The following POLR3B variants were observed in gnomAD, a reference collection of about 807,000 sequenced individuals.
POLR3B encodes the protein DNA-directed RNA polymerase III subunit RPC2.
Under a neutral mutation model 147.4 loss-of-function variants are expected in POLR3B, and 96 were observed. That is an observed-to-expected ratio of 0.65 (90% CI 0.55 to 0.77). POLR3B has a LOEUF of 0.77. Ranked by LOEUF, POLR3B falls within the 30% of genes least tolerant of loss-of-function variation. The pLI, the probability that POLR3B is intolerant of heterozygous loss-of-function variation, is 0.00. For missense variants in POLR3B, 1,036 were observed against 1,413.5 expected, an observed-to-expected ratio of 0.73 and a Z score of 4.28; for synonymous variants, 461 against 485.9, an observed-to-expected ratio of 0.95 and a Z score of 0.67.
At chr12:106,377,889 G>A (rs889367594) in intron 7 of POLR3B, among the ~76,000 whole-genome samples, 3 of 152,092 alleles carry the variant, frequency 2.0e-5, no homozygotes, top group African/African-American at 4.8e-5. Flanking sequence ...AAGACAGGGA[G>A]TCAGCCTGAG....
chr12:106,497,515 C>A (rs938134167), intron 25 of POLR3B, among the ~76,000 whole-genome samples: 7 of 152,018 alleles, frequency 4.6e-5, no homozygotes, highest in African/African-American at 1.7e-4. Flanking sequence ...TGATTTCTAC[C>A]CTATGCCTAC....
intron 27 of POLR3B, among the ~76,000 whole-genome samples, chr12:106,508,881 A>C (rs1009859256): frequency 3.3e-5 from 5 of 152,204 alleles, no homozygotes; most frequent in African/African-American, 1.2e-4. Context: ...ATTGAATACC[A>C]CTGTCCTATT....
intron 19 of POLR3B, among the ~76,000 whole-genome samples, chr12:106,452,314 CTT>C (rs1352843607): frequency 6.6e-6 from 1 of 152,138 alleles, no homozygotes; most frequent in African/African-American, 2.4e-5. Context: ...TTAGAGAAAA[CTT>C]TTTGATGTCA....
chr12:106,463,149 G>T (rs2037962808), intron 22 of POLR3B, among the ~76,000 whole-genome samples: 1 of 152,184 alleles, frequency 6.6e-6, no homozygotes, highest in Admixed American at 6.5e-5. Context: ...TGAAATCCCA[G>T]TTCCACTTTG....
At chr12:106,359,364 C>T (rs1236746104) in intron 1 of POLR3B, among the ~76,000 whole-genome samples, 1 of 137,834 alleles carries the variant, frequency 7.3e-6, no homozygotes, top group East Asian at 2.1e-4. Flanking sequence ...CGGAGTCTAG[C>T]TCTGTCGCCC....
At chr12:106,462,529 C>T (rs966807188) in intron 22 of POLR3B, among the ~76,000 whole-genome samples, 5 of 152,152 alleles carry the variant, frequency 3.3e-5, no homozygotes, top group African/African-American at 9.7e-5. Flanking sequence ...CATGAGCCAC[C>T]GTGCCCGGCT....
rs12308499 is a variant in POLR3B at position 106,459,424 on chromosome 12, T to G, written c.2570+56T>G. On this transcript the variant is annotated intron_variant, in intron 22 of 27. Transcript: ENST00000228347. The stretch of plus-strand genomic sequence containing the variant: ...AGAAAGGTTAGAAAAAGAGAAGAAA[T>G]GGGAGAAATTCGAAGTTAGGTCTTG... 1.1e-4 allele frequency: 108 copies of G among 980,242 alleles called. No individual in the cohort carries two copies. The African/African-American group carries it at 1.6e-3, about 15-fold the overall frequency. The allele number at this position is 980,242 out of a possible 1,614,324, so 60.7% of individuals were successfully genotyped here.
intron 27 of POLR3B, 130 bp from the exon 28 acceptor site, chr12:106,509,290 A>T: frequency 1.0e-6 from 1 of 965,354 alleles, no homozygotes. Flanking sequence ...AGTGCAACTG[A>T]ACACTTAGGA....
chr12:106,378,638 A>G (rs1407817566), intron 8 of POLR3B, among the ~76,000 whole-genome samples: 2 of 151,212 alleles, frequency 1.3e-5, no homozygotes, highest in African/African-American at 2.4e-5. Flanking sequence ...CTTATAGAGC[A>G]TGAAAGGAGA....
chr12:106,422,153 C>T (rs1432501447), intron 12 of POLR3B, among the ~76,000 whole-genome samples: 3 of 152,216 alleles, frequency 2.0e-5, no homozygotes, highest in East Asian at 3.9e-4. Flanking sequence ...GGACGTGGGG[C>T]CTGGTGGGAG....
intron 9 of POLR3B, among the ~76,000 whole-genome samples, chr12:106,386,226 C>G (rs1376526138): frequency 6.6e-6 from 1 of 151,596 alleles, no homozygotes; most frequent in African/African-American, 2.4e-5. Context: ...CACGCCTGCC[C>G]CAGCTACTTG....
At chr12:106,474,297 G>A (rs1399300640) in intron 23 of POLR3B, among the ~76,000 whole-genome samples, 2 of 133,722 alleles carry the variant, frequency 1.5e-5, no homozygotes, top group South Asian at 2.8e-4. Flanking sequence ...TTGCATCAAC[G>A]TTCATCAAGG....
chr12:106,470,649 T>A (rs755031825), intron 23 of POLR3B, among the ~76,000 whole-genome samples: 3 of 152,176 alleles, frequency 2.0e-5, no homozygotes, highest in Non-Finnish European at 4.4e-5. Context: ...GGTCTGGATG[T>A]CCTTTTTGTT....
At chr12:106,389,714 C>G (rs2036888725) in intron 9 of POLR3B, among the ~76,000 whole-genome samples, 1 of 151,974 alleles carries the variant, frequency 6.6e-6, no homozygotes, top group Non-Finnish European at 1.5e-5. Context: ...CTCTGAGTGT[C>G]ATGTCTGTAC....
chr12:106,476,881 C>T (rs571962240), intron 23 of POLR3B, among the ~76,000 whole-genome samples: 3,715 of 152,070 alleles, frequency 0.024, 162 homozygotes, highest in African/African-American at 0.084. Flanking sequence ...CAAAATCATT[C>T]TCCATCCAGC....
chr12:106,392,288 G>A (rs1259042524), intron 9 of POLR3B, among the ~76,000 whole-genome samples: 8 of 151,988 alleles, frequency 5.3e-5, no homozygotes, highest in Non-Finnish European at 7.4e-5. Context: ...TCAGCCTCCC[G>A]AGTAGCTGGG....
At chr12:106,467,182 G>A (rs140180028) in intron 23 of POLR3B, among the ~76,000 whole-genome samples, 29,924 of 152,016 alleles carry the variant, frequency 0.2, 3,096 homozygotes, top group Non-Finnish European at 0.22. Context: ...CTTGTAAGTT[G>A]GATTCCTAGG....
intron 20 of POLR3B, among the ~76,000 whole-genome samples, chr12:106,455,288 T>C (rs1168168417): frequency 6.6e-6 from 1 of 152,162 alleles, no homozygotes; most frequent in Non-Finnish European, 1.5e-5. Flanking sequence ...TGATCTGAAG[T>C]CTGACTTCTC....
chr12:106,369,466 A>G, intron 5 of POLR3B, 116 bp downstream of exon 5: 1 of 964,196 alleles, frequency 1.0e-6, no homozygotes, highest in East Asian at 2.4e-5. Flanking sequence ...TCTTTGGAGA[A>G]AAAGGGATTA....
Sources: allele counts gnomAD v4.1 joint callset (sites outside exome capture counted in the v4.1 genomes callset), GRCh38; gene constraint gnomAD v4.1.1; transcripts MANE v1.5; gene names NCBI Gene and HGNC (gene_info 2026-07-23, HGNC 2026-07-21).